GTF2A1L: variants seen among roughly 807,000 people sequenced by gnomAD.
GTF2A1L encodes TFIIA-alpha and beta-like factor.
In GTF2A1L, 48 loss-of-function variants were observed where a neutral mutation model predicts 49.7. The observed-to-expected ratio is 0.97, with a 90% CI of 0.77 to 1.23. The LOEUF is 1.23. Among genes scored for constraint, GTF2A1L ranks in the 50% most tolerant of loss-of-function variants. GTF2A1L has a pLI of 0.00. For missense variants in GTF2A1L, 736 were observed against 564.8 expected (o/e 1.30, Z -3.07); for synonymous variants, 246 against 193.5 (o/e 1.27, Z -2.25).
chr2:48,679,376 T>C lies in GTF2A1L; in HGVS notation c.1371T>C (p.Asp457=), dbSNP rs1374942213. 8 of 1,611,748 alleles carry C rather than the reference T, an allele frequency of 5.0e-6. No homozygotes were observed. The highest frequency in any genetic ancestry group is 1.3e-5 in the African/African-American group (1 of 74,832). The change falls in exon 9 of 9, where the codon GAT becomes GAC. Residue 457 remains aspartate, a synonymous_variant. Coordinates refer to ENST00000403751, the MANE Select transcript of GTF2A1L (RefSeq NM_006872.5). ...ACAAATGGAAATTCTATTTGAAAGATGGTGTTATGTGTTTTGGAGGGAGAG... is the reference window on the plus strand; with the variant it reads ...ACAAATGGAAATTCTATTTGAAAGACGGTGTTATGTGTTTTGGAGGGAGAG... ...SKNKWKFYLK[D]GVMCFGGRDY...
At chr2:48,635,014 T>C (rs1018327285) in intron 3 of GTF2A1L, among the ~76,000 whole-genome samples, 1 of 152,190 alleles carries the variant, frequency 6.6e-6, no homozygotes, top group Non-Finnish European at 1.5e-5. Context: ...GAAACCTCCT[T>C]GGCCCCAAGT....
intron 8 of GTF2A1L, among the ~76,000 whole-genome samples, chr2:48,678,065 G>A (rs1028929451): frequency 3.3e-5 from 5 of 151,214 alleles, no homozygotes; most frequent in African/African-American, 1.2e-4. Flanking sequence ...ATATGCAATA[G>A]TTTTATTAAA....
At chr2:48,651,588 T>A (rs1524155) in intron 6 of GTF2A1L, among the ~76,000 whole-genome samples, 83,964 of 151,986 alleles carry the variant, frequency 0.55, 25,473 homozygotes, top group East Asian at 0.94. Context: ...TGCTGTCTAT[T>A]TCAGCACATG....
At chr2:48,671,498 C>G (rs916961939) in intron 7 of GTF2A1L, 93 bp from the exon 8 acceptor site, 1 of 1,334,790 alleles carries the variant, frequency 7.5e-7, no homozygotes, top group Non-Finnish European at 1.0e-6. Context: ...GCCACCACGC[C>G]GAGACAAGTT....
In GTF2A1L at chr2:48,671,676, A is replaced by C. The variant is rs753553035; in HGVS notation, c.1325A>C (p.Asp442Ala). The C allele has an allele frequency of 1.9e-6, 3 of 1,612,748 alleles. No individual in the cohort carries two copies. Among genetic ancestry groups the C allele is most frequent in the Non-Finnish European group, 2.5e-6 (3 of 1,179,412 alleles). ...DTDNVIVCQY[D>A]KIHRSKNKWK... is the part of the protein sequence containing the mutation. ...GATAATGTTATTGTCTGTCAGTATG[A>C]TAAGGTACTGTATTTACCTTTTGGA... The change falls in exon 8 of 9, where the codon GAT becomes GCT. Residue 442 changes from aspartate to alanine, a missense_variant. By Grantham distance (126) the Asp-to-Ala change is moderately radical. Transcript: ENST00000403751.
intron 8 of GTF2A1L, among the ~76,000 whole-genome samples, chr2:48,672,138 G>A (rs1311296928): frequency 6.6e-6 from 1 of 152,214 alleles, no homozygotes. Flanking sequence ...TAAATCCATG[G>A]GTGATGTGGG....
chr2:48,664,144 C>T (rs1678680548), intron 6 of GTF2A1L, among the ~76,000 whole-genome samples: 1 of 151,804 alleles, frequency 6.6e-6, no homozygotes, highest in African/African-American at 2.4e-5. Flanking sequence ...GCTTATTGCA[C>T]TGACTAGGAC....
chr2:48,635,266 G>T (rs768708991), intron 3 of GTF2A1L, among the ~76,000 whole-genome samples: 1 of 152,130 alleles, frequency 6.6e-6, no homozygotes, highest in Non-Finnish European at 1.5e-5. Context: ...CACAGGAAGG[G>T]TGGAGTGGAT....
At chr2:48,648,517 G>T (rs578224262) in intron 6 of GTF2A1L, among the ~76,000 whole-genome samples, 2 of 152,172 alleles carry the variant, frequency 1.3e-5, no homozygotes, top group African/African-American at 4.8e-5. Flanking sequence ...TTGATTGGGG[G>T]TAGTGGTTGA....
intron 5 of GTF2A1L, 22 bp downstream of exon 5, chr2:48,645,139 CTT>C (rs1379316511): frequency 6.4e-7 from 1 of 1,574,780 alleles, no homozygotes; most frequent in Non-Finnish European, 8.6e-7. Context: ...TTCTAAGAAT[CTT>C]TTTGTTTTCA....
rs1282960531 is a variant in GTF2A1L at position 48,626,043 on chromosome 2, G to T, written c.247+4753G>T. Among the ~76,000 whole-genome samples the T allele has an allele frequency of 1.4e-5, 2 of 144,152 alleles. 1 individual carries two copies. The highest frequency in any genetic ancestry group is 3.1e-5 in the Non-Finnish European group (2 of 63,994). The allele number at this position is 144,152 out of a possible 152,430, so 94.6% of individuals were successfully genotyped here. ...TTGTCTATTTTGAATTGATTTTTAT[G>T]TATGGTATGAAAATAAGAGTCCATT... On this transcript the variant is annotated intron_variant, in intron 3 of 8. Transcript: ENST00000403751.
At chr2:48,666,020 C>G (rs762989984) in intron 6 of GTF2A1L, among the ~76,000 whole-genome samples, 43 of 151,896 alleles carry the variant, frequency 2.8e-4, no homozygotes, top group Non-Finnish European at 5.6e-4. Flanking sequence ...TTCAATCGAT[C>G]CCTTTATTAT....
chr2:48,667,494 A>G (rs770224273), intron 6 of GTF2A1L, among the ~76,000 whole-genome samples: 4 of 152,170 alleles, frequency 2.6e-5, no homozygotes, highest in Non-Finnish European at 5.9e-5. Flanking sequence ...CAGCTTTTAC[A>G]TTATGGGCTG....
At position 48,669,833 on chromosome 2, in the gene GTF2A1L, A is replaced by C. The variant is rs1234684812; in HGVS notation, c.1090A>C (p.Thr364Pro). 1 of 1,614,074 alleles carries C rather than the reference A, an allele frequency of 6.2e-7. No individual in the cohort carries two copies. Residue 364 changes from threonine (T) to proline (P), a missense_variant, in exon 7 of 9, where the codon ACA (threonine) becomes CCA (proline). By Grantham distance (38) the Thr-to-Pro change is conservative. Coordinates refer to ENST00000403751, the MANE Select transcript of GTF2A1L (RefSeq NM_006872.5). ...ATCTTCCAATGAAGAAATAGGAAGT[A>C]CAAGAGATGCAGATGAGAATGAATT... ...DTSSNEEIGS[T>P]RDADENEFLG...
chr2:48,642,760 G>A (rs1677270010), intron 4 of GTF2A1L, among the ~76,000 whole-genome samples: 1 of 152,118 alleles, frequency 6.6e-6, no homozygotes, highest in South Asian at 2.1e-4. Context: ...GGAGGCTGAG[G>A]CAGGAGAATC....
chr2:48,622,583 G>A (rs936020337), intron 3 of GTF2A1L, among the ~76,000 whole-genome samples: 7 of 152,140 alleles, frequency 4.6e-5, no homozygotes, highest in Admixed American at 6.5e-5. Context: ...TATCAGAAGA[G>A]GCCGAGGTGG....
In GTF2A1L at chr2:48,669,089, A is replaced by G. The variant is rs1049695779; in HGVS notation, c.979-633A>G. On this transcript the variant is annotated intron_variant, in intron 6 of 8. Coordinates refer to ENST00000403751, the MANE Select transcript of GTF2A1L (RefSeq NM_006872.5). Reference sequence around the variant, plus strand: ...TGTACATTTCAGTGGTACTAAGTACATTCACAATGTTGTACAACCATCCCC... The same window carrying G: ...TGTACATTTCAGTGGTACTAAGTACGTTCACAATGTTGTACAACCATCCCC... Among the ~76,000 whole-genome samples, 22 of 152,308 alleles carry G rather than the reference A, an allele frequency of 1.4e-4. 1 individual carries two copies. Among genetic ancestry groups the G allele is most frequent in the African/African-American group, 4.6e-4 (19 of 41,564 alleles).
intron 8 of GTF2A1L, among the ~76,000 whole-genome samples, 195 bp from the exon 9 acceptor site, chr2:48,679,140 A>G (rs371017516): frequency 4.6e-5 from 7 of 151,982 alleles, no homozygotes; most frequent in East Asian, 1.9e-4. Context: ...AAACTAATAT[A>G]TTTCCAGTGC....
Position 48,620,875 on chromosome 2 carries a change from G to C in GTF2A1L, c.46G>C (p.Glu16Gln), listed in dbSNP as rs555948703. Residue 16 changes from glutamate (E) to glutamine (Q), a missense_variant, in exon 2 of 9, where the codon GAA becomes CAA. Physicochemically the swap from Glu to Gln is conservative, Grantham distance 29 (BLOSUM62 2). Transcript: ENST00000403751. Reference sequence around the variant, plus strand: ...GCCTAAACTCTACAGATCTGTAATTGAAGATGTAATTGAAGGAGTTCGGAA... The same window carrying C: ...GCCTAAACTCTACAGATCTGTAATTCAAGATGTAATTGAAGGAGTTCGGAA... ...PVPKLYRSVI[E>Q]DVIEGVRNLF... The C allele has an allele frequency of 3.2e-5, 51 of 1,594,108 alleles. 3 individuals are homozygous for C. In the Middle Eastern group the frequency reaches 6.7e-4, roughly 21 times the overall value.
Sources: allele counts gnomAD v4.1 joint callset (sites outside exome capture counted in the v4.1 genomes callset), GRCh38; gene constraint gnomAD v4.1.1; transcripts MANE v1.5; gene names NCBI Gene and HGNC (gene_info 2026-07-23, HGNC 2026-07-21).